SGCD: variants seen among roughly 807,000 people sequenced by gnomAD.
SGCD encodes sarcoglycan delta.
Under a neutral mutation model 36.6 loss-of-function variants are expected in SGCD, and 18 were observed. The observed-to-expected ratio is 0.49, with a 90% CI of 0.34 to 0.73. The LOEUF is 0.73. Among genes scored for constraint, SGCD ranks in the 30% least tolerant of loss-of-function variants. The pLI is 0.01. For missense variants in SGCD, 387 were observed against 346.7 expected (o/e 1.12, Z -0.92); for synonymous variants, 133 against 130.6 (o/e 1.02, Z -0.12).
At chr5:156,636,394 G>T (rs59279648) in intron 6 of SGCD, among the ~76,000 whole-genome samples, 2,592 of 152,196 alleles carry the variant, frequency 0.017, 78 homozygotes, top group African/African-American at 0.059. Context: ...GTCTAGAAAA[G>T]TACAAAGACT....
At chr5:156,673,787 T>G in intron 7 of SGCD, among the ~76,000 whole-genome samples, 1 of 152,230 alleles carries the variant, frequency 6.6e-6, no homozygotes, top group Non-Finnish European at 1.5e-5. Flanking sequence ...TAAAACTTAA[T>G]TACAATGCTT....
chr5:155,959,587 T>C (rs909609525), intron 1 of SGCD, among the ~76,000 whole-genome samples: 4 of 152,168 alleles, frequency 2.6e-5, no homozygotes, highest in Non-Finnish European at 5.9e-5. Flanking sequence ...AGAATTTTGG[T>C]GAGATGCCTT....
At chr5:156,069,023 GC>G (rs1424858221) in intron 1 of SGCD, among the ~76,000 whole-genome samples, 1 of 152,026 alleles carries the variant, frequency 6.6e-6, no homozygotes, top group African/African-American at 2.4e-5. Flanking sequence ...CTGGATATTA[GC>G]CCTTTGTCAG....
At chr5:156,078,647 CACACACACATATATAT>C (rs1760865570) in intron 1 of SGCD, among the ~76,000 whole-genome samples, 2 of 142,350 alleles carry the variant, frequency 1.4e-5, no homozygotes, top group African/African-American at 5.2e-5. Context: ...TATTTATATA[CACACACACATATATAT>C]ACACACACAT....
In SGCD at chr5:156,093,803, C is replaced by A. The variant is rs144620103; in HGVS notation, c.-281-24075C>A. Among the ~76,000 whole-genome samples, 5 of 152,252 alleles carry A rather than the reference C, an allele frequency of 3.3e-5. No individual in the cohort carries two copies. In the East Asian group the frequency reaches 9.7e-4, roughly 29 times the overall value. On this transcript the variant is annotated intron_variant, in intron 1 of 9. Coordinates refer to the SGCD transcript ENST00000517913. ...AGGCTCAAACATCTGCTTAAGTGGG[C>A]TGATGGGTGGCAAAAATACATTCAA...
the SGCD span, among the ~76,000 whole-genome samples, chr5:155,846,151 A>G: frequency 6.6e-6 from 1 of 152,186 alleles, no homozygotes; most frequent in African/African-American, 2.4e-5. Context: ...AATTTTATTG[A>G]TGATAACTTT....
the SGCD span, among the ~76,000 whole-genome samples, chr5:155,773,570 A>C: frequency 6.6e-6 from 1 of 152,120 alleles, no homozygotes. Flanking sequence ...TGAACAGGGT[A>C]TTGTCATTGC....
intron 1 of SGCD, among the ~76,000 whole-genome samples, chr5:156,117,020 A>G (rs992140716): frequency 1.3e-5 from 2 of 151,910 alleles, no homozygotes; most frequent in Admixed American, 1.3e-4. Flanking sequence ...CCTGCTTGCC[A>G]CCATAGAGTT....
intron 6 of SGCD, among the ~76,000 whole-genome samples, chr5:156,596,962 A>G (rs759491164): frequency 1.3e-5 from 2 of 152,086 alleles, no homozygotes; most frequent in Admixed American, 6.5e-5. Flanking sequence ...CCTGGCCATC[A>G]TGAGCTCAGC....
At chr5:156,621,842 C>T (rs954998792) in intron 6 of SGCD, among the ~76,000 whole-genome samples, 6 of 152,088 alleles carry the variant, frequency 3.9e-5, no homozygotes, top group African/African-American at 1.2e-4. Flanking sequence ...ATGCTTATTC[C>T]GTAGCAGGTG....
intron 6 of SGCD, among the ~76,000 whole-genome samples, chr5:156,644,921 T>A (rs964111952): frequency 1.1e-5 from 1 of 92,720 alleles, no homozygotes; most frequent in African/African-American, 3.5e-5. Flanking sequence ...TGGAGTGCAT[T>A]TGAGATTTTT....
intron 7 of SGCD, among the ~76,000 whole-genome samples, chr5:156,750,142 T>G (rs1757098551): frequency 6.6e-6 from 1 of 152,150 alleles, no homozygotes; most frequent in African/African-American, 2.4e-5. Flanking sequence ...AAAATAGCAT[T>G]TGATAAAATT....
intron 1 of SGCD, among the ~76,000 whole-genome samples, chr5:156,078,436 T>A (rs1216128533): frequency 1.3e-5 from 2 of 150,166 alleles, no homozygotes; most frequent in Non-Finnish European, 3.0e-5. Context: ...TCACTTGAAC[T>A]TGGGAGGCAG....
At chr5:155,828,284 T>G in the SGCD span, among the ~76,000 whole-genome samples, 2 of 152,180 alleles carry the variant, frequency 1.3e-5, no homozygotes, top group African/African-American at 4.8e-5. Flanking sequence ...TATCCTTGTT[T>G]AGATCAGAGG....
intron 1 of SGCD, among the ~76,000 whole-genome samples, chr5:156,020,413 G>A (rs906752730): frequency 5.3e-5 from 8 of 152,246 alleles, no homozygotes; most frequent in Admixed American, 2.0e-4. Flanking sequence ...TTTTTGAATA[G>A]CCTGCTTCAT....
intron 3 of SGCD, among the ~76,000 whole-genome samples, chr5:156,273,558 C>G (rs543071465): frequency 1.3e-5 from 2 of 152,310 alleles, no homozygotes; most frequent in Non-Finnish European, 2.9e-5. Context: ...TTCCATTTTA[C>G]TGCCTGAGCT....
At chr5:156,642,461 C>CTTTTTT (rs58501471) in intron 6 of SGCD, among the ~76,000 whole-genome samples, 4 of 80,032 alleles carry the variant, frequency 5.0e-5, no homozygotes, top group African/African-American at 1.2e-4. Flanking sequence ...CAGCATCAGT[C>CTTTTTT]TTTTTTTTTT....
intron 6 of SGCD, among the ~76,000 whole-genome samples, chr5:156,637,276 T>C (rs189363512): frequency 9.8e-4 from 149 of 152,280 alleles, no homozygotes; most frequent in Admixed American, 1.4e-3. Context: ...TGCTGAACCA[T>C]GAGTCAATTA....
intron 1 of SGCD, among the ~76,000 whole-genome samples, chr5:155,908,899 T>A (rs1756577110): frequency 1.3e-5 from 2 of 152,138 alleles, no homozygotes; most frequent in African/African-American, 4.8e-5. Context: ...TAGTAGGTGC[T>A]CAATGAATAC....
Sources: gnomAD v4.1 joint callset for allele counts (sites outside exome capture counted in the v4.1 genomes callset) on GRCh38, gnomAD v4.1.1 for gene constraint, MANE v1.5 for transcripts, NCBI Gene and HGNC (gene_info 2026-07-23, HGNC 2026-07-21) for gene names.